The following TENM3 variants were observed in gnomAD, a reference collection of about 807,000 sequenced individuals.
TENM3 encodes the protein teneurin transmembrane protein 3, also known as teneurin-3.
Under a neutral mutation model 255.1 loss-of-function variants are expected in TENM3, and 63 were observed. The observed-to-expected ratio is 0.25, with a 90% confidence interval of 0.20 to 0.30. TENM3 has a LOEUF of 0.30. TENM3 is among the 10% of genes least tolerant of loss of function. The pLI is 1.00. For missense variants in TENM3, 2,929 were observed against 3,461.1 expected, an observed-to-expected ratio of 0.85 and a Z score of 3.86; for synonymous variants, 1,306 against 1,322.3, an observed-to-expected ratio of 0.99 and a Z score of 0.27.
At chr4:182,582,821 A>G (rs1312575224) in intron 3 of TENM3, among the ~76,000 whole-genome samples, 1 of 152,220 alleles carries the variant, frequency 6.6e-6, no homozygotes, top group African/African-American at 2.4e-5. Flanking sequence ...TACAACAAGA[A>G]AAAATTCACA....
chr4:182,436,160 A>G (rs534405986), intron 3 of TENM3, among the ~76,000 whole-genome samples: 1 of 152,276 alleles, frequency 6.6e-6, no homozygotes, highest in South Asian at 2.1e-4. Context: ...GGCATATCAT[A>G]ATGTCTCTCT....
the TENM3 span, among the ~76,000 whole-genome samples, chr4:181,977,582 A>G: frequency 6.6e-6 from 1 of 152,186 alleles, no homozygotes; most frequent in African/African-American, 2.4e-5. Context: ...TGAGAGGACA[A>G]GTTGTCATAT....
chr4:181,769,672 G>A, the TENM3 span, among the ~76,000 whole-genome samples: 72 of 152,276 alleles, frequency 4.7e-4, no homozygotes, highest in Non-Finnish European at 7.6e-4. Context: ...CATTTGCAGT[G>A]ATTAGGTGTA....
At chr4:181,472,089 C>G in the TENM3 span, among the ~76,000 whole-genome samples, 4,132 of 152,224 alleles carry the variant, frequency 0.027, 195 homozygotes, top group African/African-American at 0.094. Flanking sequence ...TACCTGCTTC[C>G]ACTATTTTCT....
At chr4:182,650,889 A>AATATATATATATAT (rs1157725899) in intron 5 of TENM3, among the ~76,000 whole-genome samples, 5 of 29,758 alleles carry the variant, frequency 1.7e-4, no homozygotes, top group East Asian at 1.6e-3. Context: ...AATAAAAAAA[A>AATATATATATATAT]ATATATATAT....
the TENM3 span, among the ~76,000 whole-genome samples, chr4:181,966,100 A>G: frequency 6.6e-6 from 1 of 152,230 alleles, no homozygotes; most frequent in African/African-American, 2.4e-5. Context: ...CAGCTGTGTC[A>G]TTCTTTGCAT....
chr4:181,988,013 T>A, the TENM3 span, among the ~76,000 whole-genome samples: 2 of 152,008 alleles, frequency 1.3e-5, no homozygotes, highest in South Asian at 4.2e-4. Flanking sequence ...GGGGGTTAAA[T>A]AAGGAAATGG....
chr4:182,745,689 A>G (rs1006594952), intron 19 of TENM3, among the ~76,000 whole-genome samples: 1 of 152,088 alleles, frequency 6.6e-6, no homozygotes, highest in Non-Finnish European at 1.5e-5. Context: ...TTTCCACGGC[A>G]CCACACAGCC....
intron 3 of TENM3, among the ~76,000 whole-genome samples, chr4:182,351,398 A>G (rs1459737504): frequency 1.3e-5 from 2 of 152,194 alleles, no homozygotes; most frequent in Non-Finnish European, 2.9e-5. Context: ...ACGTTGTCAC[A>G]GGTGCCTGGA....
chr4:182,388,745 A>T (rs1359126025), intron 3 of TENM3, among the ~76,000 whole-genome samples: 1 of 152,246 alleles, frequency 6.6e-6, no homozygotes, highest in Non-Finnish European at 1.5e-5. Context: ...AATTTAGATC[A>T]TAAAGGAAAT....
At chr4:182,058,758 G>C in the TENM3 span, among the ~76,000 whole-genome samples, 520 of 152,036 alleles carry the variant, frequency 3.4e-3, 7 homozygotes, top group African/African-American at 0.012. Context: ...AATTATTTAA[G>C]GTTCTTAATC....
At chr4:182,559,925 TA>T (rs1742972403) in intron 3 of TENM3, among the ~76,000 whole-genome samples, 1 of 152,104 alleles carries the variant, frequency 6.6e-6, no homozygotes, top group African/African-American at 2.4e-5. Flanking sequence ...TTGGATTGTT[TA>T]TAACACAAAG....
intron 3 of TENM3, among the ~76,000 whole-genome samples, chr4:182,371,614 A>G (rs140618105): frequency 6.6e-6 from 1 of 152,292 alleles, no homozygotes; most frequent in Non-Finnish European, 1.5e-5. Context: ...CTGGATCACC[A>G]TGGATGACTA....
At chr4:182,688,017 A>G (rs1262578611) in intron 11 of TENM3, 149 bp from the exon 12 acceptor site, 5 of 687,448 alleles carry the variant, frequency 7.3e-6, no homozygotes, top group African/African-American at 1.8e-5. Flanking sequence ...GCTGAAATTT[A>G]CGTAGCATAC....
At chr4:181,676,423 A>G in the TENM3 span, among the ~76,000 whole-genome samples, 1 of 151,746 alleles carries the variant, frequency 6.6e-6, no homozygotes, top group Admixed American at 6.6e-5. Flanking sequence ...GGTTTGTTAC[A>G]TGGGTAAATT....
At chr4:182,108,773 C>A in the TENM3 span, among the ~76,000 whole-genome samples, 1 of 152,190 alleles carries the variant, frequency 6.6e-6, no homozygotes, top group Non-Finnish European at 1.5e-5. Context: ...TCTCTCAGCT[C>A]TTCCCCCTTA....
the TENM3 span, among the ~76,000 whole-genome samples, chr4:181,968,962 G>GTC: frequency 0.039 from 5,600 of 144,446 alleles, 137 homozygotes; most frequent in East Asian, 0.13. Context: ...TACCTCTCTT[G>GTC]TCTCTCTCTC....
the TENM3 span, among the ~76,000 whole-genome samples, chr4:181,605,564 A>G: frequency 0.024 from 589 of 24,962 alleles, 67 homozygotes; most frequent in Middle Eastern, 0.038. Context: ...GAAAGAAAGA[A>G]AGAAAGAGAG....
At chr4:181,634,191 A>T in the TENM3 span, among the ~76,000 whole-genome samples, 33 of 152,108 alleles carry the variant, frequency 2.2e-4, no homozygotes, top group Non-Finnish European at 3.8e-4. Context: ...GCCAACTGTA[A>T]ATTTCCCTTT....
Sources: gnomAD v4.1 joint callset for allele counts (sites outside exome capture counted in the v4.1 genomes callset) on GRCh38, gnomAD v4.1.1 for gene constraint, MANE v1.5 for transcripts, NCBI Gene and HGNC (gene_info 2026-07-23, HGNC 2026-07-21) for gene names.